The following UXT variants were observed in gnomAD, a reference collection of about 807,000 sequenced individuals.
The protein encoded by UXT is ubiquitously expressed prefoldin like chaperone.
For synonymous variants in UXT, 54 were observed against 52.8 expected (o/e 1.02, Z -0.10); for missense variants, 111 against 132.7 (o/e 0.84, Z 0.80).
intron 1 of UXT, among the ~76,000 whole-genome samples, chrX:47,658,276 A>C (rs773631358): frequency 8.9e-6 from 1 of 111,821 alleles, no homozygotes; most frequent in African/African-American, 3.3e-5. Flanking sequence ...CTCACCCTAG[A>C]AAAATCCTCC....
In UXT at chrX:47,657,165, C is replaced by T. The variant is rs756989717; in HGVS notation, c.392+18G>A. 5.2e-6 allele frequency: 6 copies of T among 1,159,089 alleles called. No homozygotes were observed. In the Admixed American group the frequency reaches 1.4e-4, roughly 27 times the overall value. Reference sequence around the variant, plus strand: ...AATGGTGGTGTTTTTACACACTATCCTCATGGAATGGACTTACTCTGTGAG... The same window carrying T: ...AATGGTGGTGTTTTTACACACTATCTTCATGGAATGGACTTACTCTGTGAG... On this transcript the variant is annotated intron_variant, in intron 4 of 5. Transcript: ENST00000335890.
At chrX:47,652,700 T>C (rs2058071737) in intron 4 of UXT, among the ~76,000 whole-genome samples, 1 of 111,719 alleles carries the variant, frequency 9.0e-6, no homozygotes, top group Non-Finnish European at 1.9e-5. Flanking sequence ...GAGGCCACTC[T>C]GGCTGGAGAA....
At chrX:47,656,336 T>A (rs1285126978) in intron 4 of UXT, among the ~76,000 whole-genome samples, 1 of 111,428 alleles carries the variant, frequency 9.0e-6, no homozygotes, top group African/African-American at 3.3e-5. Flanking sequence ...CGAGACACCA[T>A]CTCTTAAAAA....
intron 4 of UXT, 163 bp downstream of exon 5, chrX:47,657,020 T>C: frequency 6.8e-6 from 3 of 444,241 alleles, no homozygotes; most frequent in South Asian, 7.3e-5. Flanking sequence ...TGAGTGCTTA[T>C]TATGTGCTAC....
chrX:47,657,653 G>T lies in UXT; in HGVS notation c.217-14C>A. The T allele has an allele frequency of 8.3e-7, 1 of 1,206,918 alleles. No homozygotes were observed. The highest frequency in any genetic ancestry group is 1.1e-6 in the Non-Finnish European group (1 of 892,306). On this transcript the variant is annotated splice_polypyrimidine_tract_variant and intron_variant, in intron 2 of 5. Coordinates refer to ENST00000335890, the MANE Select transcript of UXT (RefSeq NM_153477.3). Reference sequence around the variant, plus strand: ...GTGCTTAGCTTCCTGTGGGGCCAGGGAAAAAGAGGTAGGGGTCAGTGGTGA... The same window carrying T: ...GTGCTTAGCTTCCTGTGGGGCCAGGTAAAAAGAGGTAGGGGTCAGTGGTGA...
chrX:47,655,659 T>G (rs1433157932), intron 4 of UXT, among the ~76,000 whole-genome samples: 1 of 112,376 alleles, frequency 8.9e-6, no homozygotes, highest in Non-Finnish European at 1.9e-5. Flanking sequence ...CCTCTCTTGG[T>G]AGTTTCACTA....
chrX:47,652,868 A>C (rs1210687720), intron 4 of UXT, among the ~76,000 whole-genome samples: 1 of 112,433 alleles, frequency 8.9e-6, no homozygotes, highest in African/African-American at 3.2e-5. Context: ...GTTGAATTAC[A>C]TGAACCAGTC....
chrX:47,655,030 C>T, intron 4 of UXT, among the ~76,000 whole-genome samples: 1 of 112,481 alleles, frequency 8.9e-6, no homozygotes, highest in Non-Finnish European at 1.9e-5. Context: ...CCTGCAATCC[C>T]AGCACTTAGG....
chrX:47,657,540 C>T, intron 3 of UXT, 32 bp downstream of exon 4: 1 of 1,198,204 alleles, frequency 8.3e-7, no homozygotes, highest in Non-Finnish European at 1.1e-6. Context: ...AAGCTGAACC[C>T]TGTGGGCTCA....
At chrX:47,652,302 A>C (rs1249193642) in intron 4 of UXT, among the ~76,000 whole-genome samples, 158 bp from the exon 6 acceptor site, 1 of 112,398 alleles carries the variant, frequency 8.9e-6, no homozygotes, top group Non-Finnish European at 1.9e-5. Context: ...TGATTCAAAG[A>C]TTATTAAATG....
In UXT at chrX:47,651,846, T is replaced by C. The variant is rs146618692; in HGVS notation, c.506A>G (p.His169Arg). Residue 169 changes from histidine to arginine, a missense_variant, in exon 6 of 6, where the codon CAT becomes CGT. By Grantham distance (29) the His-to-Arg change is conservative. Coordinates refer to ENST00000335890, the MANE Select transcript of UXT (RefSeq NM_153477.3). ...TCTGAGGATGGGGGGAAGAAGTCAA[T>C]GGTGAGGCTTCTCTGGGAAATTCTG... is the stretch of plus-strand genomic sequence containing the variant. 2.5e-6 allele frequency: 3 copies of C among 1,210,962 alleles called. No individual in the cohort carries two copies. Among genetic ancestry groups the C allele is most frequent in the Non-Finnish European group, 2.2e-6 (2 of 894,928 alleles).
chrX:47,655,667 C>T (rs1320207267), intron 4 of UXT, among the ~76,000 whole-genome samples: 1 of 112,407 alleles, frequency 8.9e-6, no homozygotes, highest in East Asian at 2.8e-4. Flanking sequence ...GGTAGTTTCA[C>T]TAGCATACCA....
rs764644279 is a variant in UXT at position 47,654,496 on chromosome X, G to A, written c.393-2352C>T. On this transcript the variant is annotated intron_variant, in intron 4 of 5. Transcript: ENST00000335890. ...GCTGGGATTACAGGTGTGAGCCACC[G>A]CGCCCGGCCGTTAGGCTGTTTCTTC... 4.5e-5 allele frequency among the ~76,000 whole-genome samples: 5 copies of A among 111,094 alleles called. No homozygotes were observed. In the Admixed American group the frequency reaches 4.8e-4, roughly 11 times the overall value.
At chrX:47,655,680 C>T in intron 4 of UXT, among the ~76,000 whole-genome samples, 1 of 112,256 alleles carries the variant, frequency 8.9e-6, no homozygotes. Context: ...GCATACCAGG[C>T]ACACTATTCC....
At position 47,657,867 on chromosome X, in the gene UXT, A is replaced by G; in HGVS notation, c.135-4T>C. 8.8e-7 allele frequency: 1 copy of G among 1,137,683 alleles called. No individual in the cohort carries two copies. Among genetic ancestry groups the G allele is most frequent in the East Asian group, 3.0e-5 (1 of 33,100 alleles). 93.8% of individuals were successfully genotyped at this position (1,137,683 alleles called of 1,213,427 possible). ...GTCTCGATGGTCCAGCACCTTTCTG[A>G]TGGGACGAAAGTACAATGGTGACCA... On this transcript the variant is annotated splice_polypyrimidine_tract_variant and splice_region_variant and intron_variant, in intron 1 of 5. Transcript: ENST00000335890.
intron 4 of UXT, chrX:47,654,188 T>C (rs1473840446): frequency 2.2e-5 from 11 of 493,240 alleles, no homozygotes; most frequent in Non-Finnish European, 2.7e-5. Flanking sequence ...TAAGGCAGTG[T>C]GAATAGTCAT....
chrX:47,658,834 A>G lies in UXT; in HGVS notation c.130T>C (p.Leu44=), dbSNP rs1459938597. The change falls in exon 1 of 6, where the codon TTG becomes CTG. Residue 44 remains leucine, a synonymous_variant. Transcript: ENST00000335890. ...GCCCCCCGCACTGTCACTCACCGCA[A>G]GTCCCGCTGCAGCACGTCACTGATG... The G allele has an allele frequency of 1.7e-6, 2 of 1,143,269 alleles. No homozygotes were observed. Among genetic ancestry groups the G allele is most frequent in the East Asian group, 3.1e-5 (1 of 32,779 alleles). The allele number at this position is 1,143,269 out of a possible 1,213,427, so 94.2% of individuals were successfully genotyped here.
chrX:47,657,453 C>G, intron 3 of UXT, 119 bp downstream of exon 4: 1 of 826,259 alleles, frequency 1.2e-6, no homozygotes, highest in Non-Finnish European at 1.7e-6. Context: ...TTATATCCTA[C>G]TGGGATATAA....
At chrX:47,656,179 C>G (rs1291067530) in intron 4 of UXT, among the ~76,000 whole-genome samples, 1 of 111,599 alleles carries the variant, frequency 9.0e-6, no homozygotes, top group Non-Finnish European at 1.9e-5. Flanking sequence ...TTTCAACAAA[C>G]ACAAAGCCGG....
Sources: gnomAD v4.1 joint callset for allele counts (sites outside exome capture counted in the v4.1 genomes callset) on GRCh38, gnomAD v4.1.1 for gene constraint, MANE v1.5 for transcripts, NCBI Gene and HGNC (gene_info 2026-07-23, HGNC 2026-07-21) for gene names.